Variants in NIM1K observed in about 807,000 individuals in gnomAD.
NIM1K encodes serine/threonine-protein kinase NIM1.
A neutral mutation model predicts 37.1 loss-of-function variants in NIM1K; 35 were observed. The ratio of observed to expected loss-of-function variants is 0.94; its 90% CI spans 0.72 to 1.25. NIM1K has a LOEUF of 1.25. Ranked by LOEUF, NIM1K falls within the 50% of genes most tolerant of loss-of-function variation. NIM1K has a pLI of 0.00. For missense variants in NIM1K, 564 were observed against 548.0 expected (o/e 1.03, Z -0.29); for synonymous variants, 234 against 206.6 (o/e 1.13, Z -1.14).
At chr5:43,272,209 T>C (rs1449780199) in intron 2 of NIM1K, among the ~76,000 whole-genome samples, 2 of 152,184 alleles carry the variant, frequency 1.3e-5, no homozygotes, top group African/African-American at 4.8e-5. Context: ...TTTCAGGTCT[T>C]TCCTACCTCA....
Position 43,198,187 on chromosome 5 carries a change from CTTTCTTTCTTTCTTTCTTTCTCTTTCTT to C in NIM1K, c.-695+5778_-695+5805del, listed in dbSNP as rs1561069858. Among the ~76,000 whole-genome samples the C allele has an allele frequency of 2.7e-3, 179 of 65,584 alleles. 1 individual carries two copies. Among genetic ancestry groups the C allele is most frequent in the African/African-American group, 9.1e-3 (151 of 16,550 alleles). 43.0% of individuals were successfully genotyped at this position (65,584 alleles called of 152,430 possible). ...TCTTTCTTTCTTTCTTTCTTTCTTTCTTTCTTTCTTTCTTTCTTTCTCTTTCTTTCTTTCTTTCTTTCTTTCTTTCTTT... is the reference window on the plus strand; with the variant it reads ...TCTTTCTTTCTTTCTTTCTTTCTTTCTCTTTCTTTCTTTCTTTCTTTCTTT... On this transcript the variant is annotated intron_variant, in intron 1 of 3. Transcript: ENST00000326035.
rs570851933 is a variant in NIM1K at position 43,225,741 on chromosome 5, C to T, written c.-694-19341C>T. The T allele has an allele frequency of 6.5e-5, 10 of 154,864 alleles. No homozygotes were observed. The East Asian group carries it at 7.7e-4, about 12-fold the overall frequency. The allele number at this position is 154,864 out of a possible 1,614,324, so 9.6% of individuals were successfully genotyped here. A position where few individuals can be genotyped will look rare whatever the true frequency, so the allele number is the denominator to read the frequency against. On this transcript the variant is annotated intron_variant, in intron 1 of 3. Transcript: ENST00000326035. Reference sequence around the variant, plus strand: ...GTGCTTCTGCCATTCATTTCAGTAGCGTATATAACCTCTCTGTGATGGCCA... The same window carrying T: ...GTGCTTCTGCCATTCATTTCAGTAGTGTATATAACCTCTCTGTGATGGCCA...
chr5:43,265,864 G>T (rs1753143445), intron 2 of NIM1K, among the ~76,000 whole-genome samples: 2 of 152,248 alleles, frequency 1.3e-5, no homozygotes, highest in African/African-American at 4.8e-5. Flanking sequence ...CTCAGCTGCA[G>T]GTCTGTTGGA....
intron 1 of NIM1K, among the ~76,000 whole-genome samples, chr5:43,234,815 G>T (rs535503157): frequency 6.6e-6 from 1 of 151,894 alleles, no homozygotes; most frequent in African/African-American, 2.4e-5. Flanking sequence ...TTGTATTTTT[G>T]GTAGAGGCAG....
chr5:43,229,295 G>C (rs1752503445), intron 1 of NIM1K, among the ~76,000 whole-genome samples: 1 of 142,752 alleles, frequency 7.0e-6, no homozygotes. Context: ...TGAGGCAGGA[G>C]AATCGCTTGA....
intron 1 of NIM1K, among the ~76,000 whole-genome samples, chr5:43,243,780 A>G (rs1210142336): frequency 6.6e-6 from 1 of 152,146 alleles, no homozygotes; most frequent in Non-Finnish European, 1.5e-5. Context: ...GGCTCAAGCC[A>G]TCCTCCCACC....
rs1443615895 is a variant in NIM1K, at chr5:43,280,305, A to G, written c.887A>G (p.Glu296Gly). Residue 296 changes from glutamate to glycine, a missense_variant, in exon 4 of 4, where the codon GAG (glutamate) becomes GGG (glycine). Glu to Gly is a moderately conservative substitution (Grantham distance 98, BLOSUM62 -2). Coordinates refer to ENST00000326035, the MANE Select transcript of NIM1K (RefSeq NM_153361.4). ...GTYSVPPHVS[E>G]PCHRLIRGVL... The stretch of plus-strand genomic sequence containing the variant: ...TACAGTGTACCGCCGCACGTGTCAG[A>G]GCCCTGCCACCGACTCATCCGAGGA... 6.2e-7 allele frequency: 1 copy of G among 1,614,048 alleles called. No homozygotes were observed. Among genetic ancestry groups the G allele is most frequent in the Non-Finnish European group, 8.5e-7 (1 of 1,180,036 alleles).
chr5:43,239,108 T>C (rs1752660624), intron 1 of NIM1K, among the ~76,000 whole-genome samples: 1 of 151,940 alleles, frequency 6.6e-6, no homozygotes, highest in Non-Finnish European at 1.5e-5. Flanking sequence ...TGGCATGCCC[T>C]TATGTAGGAA....
At chr5:43,206,686 G>T in intron 1 of NIM1K, 1 of 693,446 alleles carries the variant, frequency 1.4e-6, no homozygotes, top group Non-Finnish European at 2.7e-6. Flanking sequence ...ACTCCCCCAG[G>T]TATGGCACAG....
chr5:43,252,362 G>T (rs945181287), intron 2 of NIM1K, among the ~76,000 whole-genome samples: 1 of 152,054 alleles, frequency 6.6e-6, no homozygotes, highest in Non-Finnish European at 1.5e-5. Context: ...AGTCTCACCC[G>T]CTGGTTCTGG....
At chr5:43,210,505 A>G (rs1189724684) in intron 1 of NIM1K, among the ~76,000 whole-genome samples, 3 of 152,174 alleles carry the variant, frequency 2.0e-5, no homozygotes, top group Non-Finnish European at 4.4e-5. Flanking sequence ...TCAATTATCA[A>G]CAGAGGGGTG....
intron 1 of NIM1K, among the ~76,000 whole-genome samples, chr5:43,224,123 G>A (rs1161337099): frequency 6.7e-6 from 1 of 149,256 alleles, no homozygotes; most frequent in Admixed American, 6.7e-5. Flanking sequence ...GGCAGGTCTC[G>A]AACTCCTGGG....
In NIM1K at chr5:43,232,497, T is replaced by C. The variant is rs1168234233; in HGVS notation, c.-694-12585T>C. Reference sequence around the variant, plus strand: ...ATTTGACCTATCAACCTATTCAGTTTAGTATAGGTTGGGCGTTCAGTATCA... The same window carrying C: ...ATTTGACCTATCAACCTATTCAGTTCAGTATAGGTTGGGCGTTCAGTATCA... On this transcript the variant is annotated intron_variant, in intron 1 of 3. Coordinates refer to ENST00000326035, the MANE Select transcript of NIM1K (RefSeq NM_153361.4). 9.2e-6 allele frequency: 14 copies of C among 1,515,788 alleles called. No individual in the cohort carries two copies. The Middle Eastern group carries it at 5.2e-4, about 56-fold the overall frequency. The allele number at this position is 1,515,788 out of a possible 1,614,324, so 93.9% of individuals were successfully genotyped here.
intron 1 of NIM1K, chr5:43,207,766 G>A: frequency 2.2e-6 from 1 of 455,624 alleles, no homozygotes. Flanking sequence ...CTTCATACTT[G>A]GAATTGTGGG....
intron 1 of NIM1K, among the ~76,000 whole-genome samples, chr5:43,238,365 G>A (rs1752651210): frequency 6.6e-6 from 1 of 151,860 alleles, no homozygotes; most frequent in Non-Finnish European, 1.5e-5. Flanking sequence ...TAATTTCCAA[G>A]ACAGCTCTTT....
chr5:43,213,343 T>C (rs1752248234), intron 1 of NIM1K, among the ~76,000 whole-genome samples: 1 of 143,076 alleles, frequency 7.0e-6, no homozygotes, highest in African/African-American at 2.6e-5. Flanking sequence ...TTCTTTTCTT[T>C]TCTAGTTGGA....
rs367607347 is a variant in NIM1K, at chr5:43,276,975, G to A, written c.293-82G>A. 6.7e-5 allele frequency: 94 copies of A among 1,394,592 alleles called. No individual in the cohort carries two copies. In the African/African-American group the frequency reaches 8.9e-4, roughly 13 times the overall value. The allele number at this position is 1,394,592 out of a possible 1,614,324, so 86.4% of individuals were successfully genotyped here. On this transcript the variant is annotated intron_variant, in intron 2 of 3. Coordinates refer to ENST00000326035, the MANE Select transcript of NIM1K (RefSeq NM_153361.4). Reference sequence around the variant, plus strand: ...AACAGCCACTCTCTGTCTAGTAAAGGAAAGGAGCTGATCCAGGTCCTCTCC... The same window carrying A: ...AACAGCCACTCTCTGTCTAGTAAAGAAAAGGAGCTGATCCAGGTCCTCTCC...
rs552692260 is a variant in NIM1K at position 43,205,024 on chromosome 5, A to T, written c.-695+12613A>T. ...AAAACACGAACAACAACAACAAAAA[A>T]ACAAAAACAAGGCATGTCAAAGAAT... On this transcript the variant is annotated intron_variant, in intron 1 of 3. Transcript: ENST00000326035. Among the ~76,000 whole-genome samples, 4 of 152,278 alleles carry T rather than the reference A, an allele frequency of 2.6e-5. No homozygotes were observed. The South Asian group carries it at 8.3e-4, about 32-fold the overall frequency.
intron 1 of NIM1K, among the ~76,000 whole-genome samples, chr5:43,210,127 C>T (rs573618919): frequency 1.3e-5 from 2 of 149,344 alleles, no homozygotes; most frequent in African/African-American, 2.5e-5. Flanking sequence ...AGCTGAATTC[C>T]GCTTAGGGTA....
Sources: allele counts gnomAD v4.1 joint callset (sites outside exome capture counted in the v4.1 genomes callset), GRCh38; gene constraint gnomAD v4.1.1; transcripts MANE v1.5; gene names NCBI Gene and HGNC (gene_info 2026-07-23, HGNC 2026-07-21).